The following SZT2 variants were observed in gnomAD, a reference collection of about 807,000 sequenced individuals.
The protein encoded by SZT2 is KICSTOR complex protein SZT2.
Under a neutral mutation model 404.2 loss-of-function variants are expected in SZT2, and 216 were observed. The ratio of observed to expected loss-of-function variants is 0.53; its 90% CI spans 0.48 to 0.60. The LOEUF (loss-of-function observed/expected upper bound fraction) is 0.60. Among genes scored for constraint, SZT2 ranks in the 20% least tolerant of loss-of-function variants. The pLI is 0.00. For synonymous variants in SZT2, 1,693 were observed against 1,749.9 expected (o/e 0.97, Z 0.81); for missense variants, 3,857 against 4,459.2 (o/e 0.86, Z 3.85).
In SZT2 at chr1:43,453,910, G is replaced by A. The variant is rs1656757904; in HGVS notation, c.*3430G>A. On this transcript the variant is annotated 3_prime_UTR_variant, in exon 72 of 72. Transcript: ENST00000634258. ...CTGGCCCTGCGAACGAACGAGCACTGTTCGTGGTTAGAAAAGCGAAGTGCT... is the reference window on the plus strand; with the variant it reads ...CTGGCCCTGCGAACGAACGAGCACTATTCGTGGTTAGAAAAGCGAAGTGCT... 2.6e-5 allele frequency: 32 copies of A among 1,210,822 alleles called. No homozygotes were observed. The highest frequency in any genetic ancestry group is 3.2e-5 in the African/African-American group (2 of 63,046). The allele number at this position is 1,210,822 out of a possible 1,614,324, so 75.0% of individuals were successfully genotyped here.
chr1:43,438,035 G>C, intron 46 of SZT2, 133 bp downstream of exon 46: 1 of 872,460 alleles, frequency 1.1e-6, no homozygotes, highest in South Asian at 1.6e-5. Flanking sequence ...CACATGTTAA[G>C]TGAGCCATAA....
rs1459774657 is a variant in SZT2 at position 43,432,316 on chromosome 1, C to T, written c.5319C>T (p.Asp1773=). The change falls in exon 37 of 72, where the codon GAC becomes GAT. Residue 1773 remains aspartate (D), a synonymous_variant. Transcript: ENST00000634258. ...TCCCTGGCCATGTTCTTCTTGAAGA[C>T]CCTGACAGTGGCTTCTTCTTTGTGG... is the stretch of plus-strand genomic sequence containing the variant. ...LHLPGHVLLE[D]PDSGFFFVAA... 2.5e-6 allele frequency: 4 copies of T among 1,598,674 alleles called. No individual in the cohort carries two copies. Among genetic ancestry groups the T allele is most frequent in the Non-Finnish European group, 8.5e-7 (1 of 1,173,852 alleles).
chr1:43,441,445 C>T lies in SZT2; in HGVS notation c.7512-59C>T. Reference sequence around the variant, plus strand: ...TGTGAAGTCACAGATGGGCCTTGGTCTGTATAAACATACAAGTGTCATGTA... The same window carrying T: ...TGTGAAGTCACAGATGGGCCTTGGTTTGTATAAACATACAAGTGTCATGTA... On this transcript the variant is annotated intron_variant, in intron 53 of 71. Coordinates refer to ENST00000634258, the MANE Select transcript of SZT2 (RefSeq NM_001365999.1). This position sits in a 1 kb window ranked among gnomAD's most constrained non-coding sequence, Gnocchi z 4.8. The T allele has an allele frequency of 6.2e-7, 1 of 1,609,526 alleles. No homozygotes were observed. Among genetic ancestry groups the T allele is most frequent in the Non-Finnish European group, 8.5e-7 (1 of 1,177,280 alleles).
Position 43,404,443 on chromosome 1 carries a change from G to A in SZT2, c.391G>A (p.Gly131Arg), listed in dbSNP as rs760925618. Residue 131 changes from glycine to arginine, a missense_variant, in exon 4 of 72, where the codon GGG (glycine) becomes AGG (arginine). By Grantham distance (125) the Gly-to-Arg change is moderately radical (BLOSUM62 -2). Around this residue, in one of 7 missense-constraint regions of SZT2, gnomAD observed 536 missense variants for 637.4 expected, o/e 0.84. Coordinates refer to ENST00000634258, the MANE Select transcript of SZT2 (RefSeq NM_001365999.1). ...CCATGCCCTGTCCCGCTGCTTAGGC[G>A]GGCTGCTTCGGCCCTTCCGAGTGCC... ...VFHALSRCLG[G>R]LLRPFRVPGS... 16 of 1,614,036 alleles carry A rather than the reference G, an allele frequency of 9.9e-6. No individual in the cohort carries two copies. The highest frequency in any genetic ancestry group is 2.2e-5 in the East Asian group (1 of 44,886).
At chr1:43,435,518 GAT>G (rs1474685110) in intron 42 of SZT2, among the ~76,000 whole-genome samples, 189 bp downstream of exon 42, 1 of 152,216 alleles carries the variant, frequency 6.6e-6, no homozygotes, top group Non-Finnish European at 1.5e-5. Flanking sequence ...GTTCATCAGT[GAT>G]TTTCATGGAA....
intron 28 of SZT2, chr1:43,429,445 G>C: frequency 2.5e-6 from 1 of 402,722 alleles, no homozygotes; most frequent in Non-Finnish European, 4.6e-6. Context: ...AGTGGTGATG[G>C]CGCCACTGCA....
intron 15 of SZT2, among the ~76,000 whole-genome samples, chr1:43,423,557 T>TA (rs1442083673): frequency 2.8e-5 from 4 of 140,474 alleles, no homozygotes; most frequent in South Asian, 2.3e-4. Flanking sequence ...GGGGTATGAG[T>TA]GGTACAGAGG....
At chr1:43,431,988 G>T in intron 36 of SZT2, 87 bp downstream of exon 36, 1 of 1,493,902 alleles carries the variant, frequency 6.7e-7, no homozygotes, top group Non-Finnish European at 9.2e-7. Context: ...CCCTCTGTTA[G>T]TTCGAACTCA....
In SZT2 at chr1:43,420,076, C is replaced by T; in HGVS notation, c.1091-77C>T. The T allele has an allele frequency of 6.4e-7, 1 of 1,574,118 alleles. No homozygotes were observed. The highest frequency in any genetic ancestry group is 8.6e-7 in the Non-Finnish European group (1 of 1,164,648). ...CACTGTTACCTCACAGTCATTTCAG[C>T]ATAGCCCCTTCCCCCTACAGATCTG... is the stretch of plus-strand genomic sequence containing the variant. On this transcript the variant is annotated intron_variant, in intron 8 of 71. Coordinates refer to ENST00000634258, the MANE Select transcript of SZT2 (RefSeq NM_001365999.1). This position sits in a 1 kb window ranked among gnomAD's most constrained non-coding sequence, Gnocchi z 5.1.
At chr1:43,421,132 A>G in intron 10 of SZT2, 42 bp from the exon 11 acceptor site, 2 of 1,597,550 alleles carry the variant, frequency 1.3e-6, no homozygotes, top group Non-Finnish European at 1.7e-6. Context: ...ATCTGCACCC[A>G]GCAGAGTCAG....
chr1:43,453,891 C>A lies in SZT2; in HGVS notation c.*3411C>A, dbSNP rs1656755684. 2.5e-6 allele frequency: 3 copies of A among 1,223,210 alleles called. No individual in the cohort carries two copies. In the African/African-American group the frequency reaches 4.8e-5, roughly 20 times the overall value. The allele number at this position is 1,223,210 out of a possible 1,614,324, so 75.8% of individuals were successfully genotyped here. A position where few individuals can be genotyped will look rare whatever the true frequency, so the allele number is the denominator to read the frequency against. ...GGGGGCGGGGCTCTCCTTGCTGGCC[C>A]TGCGAACGAACGAGCACTGTTCGTG... On this transcript the variant is annotated 3_prime_UTR_variant, in exon 72 of 72. Coordinates refer to ENST00000634258, the MANE Select transcript of SZT2 (RefSeq NM_001365999.1).
In SZT2 at chr1:43,438,909, C is replaced by G; in HGVS notation, c.6628-20C>G. On this transcript the variant is annotated intron_variant, in intron 47 of 71. Transcript: ENST00000634258. ...TGGAACTTCTGCATTCAGCTCTGCCCTCTTCTTCCCACTCTGCAGTTCATC... is the reference window on the plus strand; with the variant it reads ...TGGAACTTCTGCATTCAGCTCTGCCGTCTTCTTCCCACTCTGCAGTTCATC... The G allele has an allele frequency of 6.2e-7, 1 of 1,614,100 alleles. No homozygotes were observed. The highest frequency in any genetic ancestry group is 8.5e-7 in the Non-Finnish European group (1 of 1,179,996).
Position 43,425,272 on chromosome 1 carries a change from G to A in SZT2, c.2645+65G>A, listed in dbSNP as rs552157355. On this transcript the variant is annotated intron_variant, in intron 18 of 71. Transcript: ENST00000634258. This position sits in a 1 kb window ranked among gnomAD's most constrained non-coding sequence, Gnocchi z 4.3. ...AGCCTTCTCCCCACCATCCCCTAGA[G>A]GTCTGGCTCCCATATCCTGAGATGA... is the stretch of plus-strand genomic sequence containing the variant. The A allele has an allele frequency of 6.2e-5, 98 of 1,588,982 alleles. No individual in the cohort carries two copies. The African/African-American group carries it at 9.7e-4, about 16-fold the overall frequency.
Position 43,431,308 on chromosome 1 carries a change from C to G in SZT2, c.4960C>G (p.Gln1654Glu). ...SSASFPRSPGQPSSLRSDDGL... is the reference protein window; with the variant it reads ...SSASFPRSPGEPSSLRSDDGL... ...TGCTTCATTTCCACGATCCCCAGGG[C>G]AGCCATCATCTTTAAGGTCAGATGA... The change falls in exon 34 of 72, where the codon CAG becomes GAG. Residue 1654 changes from glutamine (Q) to glutamate (E), a missense_variant. Coordinates refer to ENST00000634258, the MANE Select transcript of SZT2 (RefSeq NM_001365999.1). The G allele has an allele frequency of 6.2e-7, 1 of 1,613,322 alleles. No individual in the cohort carries two copies. The highest frequency in any genetic ancestry group is 1.1e-5 in the South Asian group (1 of 90,920).
At position 43,441,353 on chromosome 1, in the gene SZT2, G is replaced by A; in HGVS notation, c.7484G>A (p.Gly2495Asp). Reference protein sequence around the residue: ...RTPGGAERAPGSDSGAQRQKR... With the variant: ...RTPGGAERAPDSDSGAQRQKR... ...CCTGGTGGAGCTGAGCGGGCGCCAG[G>A]CTCAGATTCTGGAGCCCAGAGACAA... Residue 2495 changes from glycine (G) to aspartate (D), a missense_variant, in exon 53 of 72, where the codon GGC becomes GAC. Around this residue, in one of 7 missense-constraint regions of SZT2, gnomAD observed 573 missense variants for 592.4 expected, o/e 0.97. Transcript: ENST00000634258. The surrounding 1 kb of genome is among the most constrained non-coding windows in gnomAD (Gnocchi z 4.8). The A allele has an allele frequency of 1.2e-6, 2 of 1,614,180 alleles. No individual in the cohort carries two copies. The highest frequency in any genetic ancestry group is 1.7e-6 in the Non-Finnish European group (2 of 1,180,020).
At chr1:43,413,262 A>C (rs1300053877) in intron 4 of SZT2, among the ~76,000 whole-genome samples, 1 of 152,228 alleles carries the variant, frequency 6.6e-6, no homozygotes, top group African/African-American at 2.4e-5. Flanking sequence ...AGATGCCTGT[A>C]ATCCCAGCTA....
In SZT2 at chr1:43,441,926, G is replaced by A. The variant is rs2153935837; in HGVS notation, c.7743-74G>A. The A allele has an allele frequency of 6.3e-7, 1 of 1,590,556 alleles. No homozygotes were observed. The highest frequency in any genetic ancestry group is 1.7e-4 in the Middle Eastern group (1 of 5,886). ...GCTGAGCTAGGAGAGGTGGAAACAAGGCCCAGGGAGGTGAAGGCTAGGCCA... is the reference window on the plus strand; with the variant it reads ...GCTGAGCTAGGAGAGGTGGAAACAAAGCCCAGGGAGGTGAAGGCTAGGCCA... On this transcript the variant is annotated intron_variant, in intron 55 of 71. Coordinates refer to ENST00000634258, the MANE Select transcript of SZT2 (RefSeq NM_001365999.1). This position sits in a 1 kb window ranked among gnomAD's most constrained non-coding sequence, Gnocchi z 4.8.
intron 51 of SZT2, 119 bp from the exon 52 acceptor site, chr1:43,440,334 G>C: frequency 7.1e-7 from 1 of 1,417,206 alleles, no homozygotes. Flanking sequence ...TGTATATACT[G>C]TCATTCACTG....
Position 43,427,144 on chromosome 1 carries a change from A to G in SZT2, c.3398A>G (p.His1133Arg), listed in dbSNP as rs375720897. 6.2e-7 allele frequency: 1 copy of G among 1,613,984 alleles called. No homozygotes were observed. Among genetic ancestry groups the G allele is most frequent in the Admixed American group, 1.7e-5 (1 of 60,002 alleles). ...TATGCAAGGCTTGTGAACCCCCAGC[A>G]TGTGTTTCTGACTTTTCTCCCAGCT... is the stretch of plus-strand genomic sequence containing the variant. ...RCYARLVNPQ[H>R]VFLTFLPATF... The change falls in exon 24 of 72, where the codon CAT becomes CGT. Residue 1133 changes from histidine to arginine, a missense_variant. This residue lies in a region of SZT2 where 1,725 missense variants were observed against 1,881.0 expected (regional missense o/e 0.92). Transcript: ENST00000634258.
Sources: gnomAD v4.1 joint callset for allele counts (sites outside exome capture counted in the v4.1 genomes callset) on GRCh38, gnomAD v4.1.1 for gene constraint, gnomAD v4.1.1 regional missense constraint, Gnocchi (gnomAD v3.1) non-coding constraint, MANE v1.5 for transcripts, NCBI Gene and HGNC (gene_info 2026-07-23, HGNC 2026-07-21) for gene names.